The following NARS1 variants were observed in gnomAD, a reference collection of about 807,000 sequenced individuals.
NARS1 encodes asparaginyl-tRNA synthetase 1, also known as asparagine--tRNA ligase, cytoplasmic.
In NARS1, 65 loss-of-function variants were observed where a neutral mutation model predicts 79.2. The observed-to-expected ratio is 0.82, with a 90% confidence interval of 0.67 to 1.01. The LOEUF (loss-of-function observed/expected upper bound fraction) is 1.01. Ranked by LOEUF, NARS1 falls within the 50% of genes least tolerant of loss-of-function variation. The pLI is 0.00. For missense variants in NARS1, 649 were observed against 673.8 expected, an observed-to-expected ratio of 0.96 and a Z score of 0.41; for synonymous variants, 229 against 238.8, an observed-to-expected ratio of 0.96 and a Z score of 0.38.
chr18:57,620,053 G>C (rs866799207), intron 2 of NARS1, among the ~76,000 whole-genome samples: 4 of 152,148 alleles, frequency 2.6e-5, no homozygotes, highest in Non-Finnish European at 5.9e-5. Context: ...TCTAGATCCT[G>C]AGAAATAACA....
chr18:57,605,410 CA>C (rs1213307247), intron 11 of NARS1, among the ~76,000 whole-genome samples: 1 of 151,258 alleles, frequency 6.6e-6, no homozygotes, highest in Non-Finnish European at 1.5e-5. Context: ...AGATCGAGAC[CA>C]TCCTGGCCAA....
chr18:57,604,688 G>A (rs1037440916), intron 11 of NARS1, among the ~76,000 whole-genome samples: 1 of 152,100 alleles, frequency 6.6e-6, no homozygotes, highest in Non-Finnish European at 1.5e-5. Flanking sequence ...CAAGGAGTTT[G>A]AGACCAGCCC....
chr18:57,606,568 T>C (rs761761218), intron 10 of NARS1, 48 bp downstream of exon 10: 2 of 1,576,158 alleles, frequency 1.3e-6, no homozygotes, highest in Admixed American at 1.7e-5. Flanking sequence ...CTTCATTGTC[T>C]TCCAAAAAAG....
At chr18:57,605,130 A>T (rs868575607) in intron 11 of NARS1, among the ~76,000 whole-genome samples, 38 of 93,510 alleles carry the variant, frequency 4.1e-4, no homozygotes, top group South Asian at 6.3e-4. Context: ...AGAAAAAAAA[A>T]AAAAATATAT....
chr18:57,611,837 G>A (rs779788776), intron 5 of NARS1, 130 bp from the exon 6 acceptor site: 4 of 353,710 alleles, frequency 1.1e-5, no homozygotes, highest in African/African-American at 2.2e-5. Context: ...ATCACAGCTC[G>A]CTGCAGCCTC....
At chr18:57,608,588 T>C (rs1003684624) in intron 7 of NARS1, among the ~76,000 whole-genome samples, 5 of 152,174 alleles carry the variant, frequency 3.3e-5, no homozygotes, top group African/African-American at 9.7e-5. Flanking sequence ...TTATAGCCCA[T>C]GAGGATGATT....
chr18:57,608,221 C>T (rs909606103), intron 7 of NARS1, among the ~76,000 whole-genome samples: 14 of 151,772 alleles, frequency 9.2e-5, no homozygotes, highest in Admixed American at 7.2e-4. Context: ...CTCACTGAGG[C>T]GGGTGGATAA....
At chr18:57,616,031 C>G (rs1232754088) in intron 2 of NARS1, 56 bp from the exon 3 acceptor site, 5 of 1,437,354 alleles carry the variant, frequency 3.5e-6, no homozygotes, top group Non-Finnish European at 3.8e-6. Context: ...TACTTAAAAT[C>G]AAAATAACAT....
intron 11 of NARS1, among the ~76,000 whole-genome samples, chr18:57,604,179 C>T (rs1428592033): frequency 1.3e-5 from 2 of 152,250 alleles, no homozygotes; most frequent in Non-Finnish European, 1.5e-5. Context: ...TTCCACTCAA[C>T]TACACTATTT....
At chr18:57,612,795 G>C (rs185942743) in intron 5 of NARS1, among the ~76,000 whole-genome samples, 288 of 152,176 alleles carry the variant, frequency 1.9e-3, no homozygotes, top group African/African-American at 6.5e-3. Context: ...AAAGTGACAT[G>C]TTTATATATT....
At position 57,601,002 on chromosome 18, in the gene NARS1, T is replaced by C. The variant is rs2051499564; in HGVS notation, c.*650A>G. 6.6e-6 allele frequency: 1 copy of C among 152,224 alleles called. No homozygotes were observed. Among genetic ancestry groups the C allele is most frequent in the Non-Finnish European group, 1.5e-5 (1 of 68,036 alleles). The allele number at this position is 152,224 out of a possible 1,614,324, so 9.4% of individuals were successfully genotyped here. On this transcript the variant is annotated 3_prime_UTR_variant, in exon 14 of 14. Coordinates refer to ENST00000256854, the MANE Select transcript of NARS1 (RefSeq NM_004539.4). ...TAAAAAACTCTCCCCAAAATTATGTTCTTACTTCAAATCCTTTAAGGCAAT... is the reference window on the plus strand; with the variant it reads ...TAAAAAACTCTCCCCAAAATTATGTCCTTACTTCAAATCCTTTAAGGCAAT...
At chr18:57,620,422 A>G (rs549368133) in intron 2 of NARS1, 147 bp downstream of exon 2, 6 of 553,388 alleles carry the variant, frequency 1.1e-5, no homozygotes, top group Non-Finnish European at 1.6e-5. Context: ...TTAAAGTCAC[A>G]TATCTGTATG....
chr18:57,606,261 G>A (rs1022426953), intron 10 of NARS1, among the ~76,000 whole-genome samples: 2 of 150,880 alleles, frequency 1.3e-5, no homozygotes, highest in African/African-American at 4.9e-5. Flanking sequence ...AGGCAGAATC[G>A]CTTGAAGCTG....
rs751688172 is a variant in NARS1, at chr18:57,620,578, T to C, written c.84A>G (p.Thr28=). 6.2e-7 allele frequency: 1 copy of C among 1,610,260 alleles called. No individual in the cohort carries two copies. ...TGAGAAGAGACTCTACCTTTAGACC[T>C]GTTTTAAATGGTTTCTCCTTGGTTC... is the stretch of plus-strand genomic sequence containing the variant. ...GDGTKEKPFK[T]GLKALMTVGK... Residue 28 remains threonine (T), a synonymous_variant, in exon 2 of 14, where the codon ACA becomes ACG. Coordinates refer to ENST00000256854, the MANE Select transcript of NARS1 (RefSeq NM_004539.4).
In NARS1 at chr18:57,621,729, C is replaced by A; in HGVS notation, c.-12G>T. The A allele has an allele frequency of 6.2e-7, 1 of 1,613,952 alleles. No individual in the cohort carries two copies. Among genetic ancestry groups the A allele is most frequent in the South Asian group, 1.1e-5 (1 of 91,082 alleles). On this transcript the variant is annotated 5_prime_UTR_variant, in exon 1 of 14. Coordinates refer to ENST00000256854, the MANE Select transcript of NARS1 (RefSeq NM_004539.4). ...CCACCTAGCACCATGCCTGCAGTGG[C>A]CCTGGTCACCTCCAAGGACACAGAC...
rs1159053312 is a variant in NARS1, at chr18:57,621,832, G to C, written c.-115C>G. 29 of 1,574,938 alleles carry C rather than the reference G, an allele frequency of 1.8e-5. No homozygotes were observed. The highest frequency in any genetic ancestry group is 2.7e-5 in the African/African-American group (2 of 73,588). On this transcript the variant is annotated 5_prime_UTR_variant, in exon 1 of 14. It adds an upstream start codon to the 5' untranslated region. Transcript: ENST00000256854. ...TTCCGGCGTTGCATCAGAGAGCGTA[G>C]ATCTGAGGGCGCCTGCGAGAATCGG...
chr18:57,611,905 G>A (rs1326825946), intron 5 of NARS1, among the ~76,000 whole-genome samples, 198 bp from the exon 6 acceptor site: 1 of 152,016 alleles, frequency 6.6e-6, no homozygotes, highest in Non-Finnish European at 1.5e-5. Context: ...TGGGACTACA[G>A]GCACATGCCA....
chr18:57,618,095 G>A (rs539373871), intron 2 of NARS1, among the ~76,000 whole-genome samples: 66 of 150,644 alleles, frequency 4.4e-4, no homozygotes, highest in African/African-American at 1.2e-3. Context: ...TGGCCAACAC[G>A]GTGAAACACC....
Position 57,615,709 on chromosome 18 carries a change from C to A in NARS1, c.274G>T (p.Glu92Ter), listed in dbSNP as rs1256890796. 1.9e-6 allele frequency: 3 copies of A among 1,613,018 alleles called. No homozygotes were observed. Among genetic ancestry groups the A allele is most frequent in the Non-Finnish European group, 1.7e-6 (2 of 1,179,706 alleles). Residue 92 changes from glutamate to a stop codon, truncating the protein, a stop_gained, in exon 4 of 14, where the codon GAA becomes TAA. Transcript: ENST00000256854. LOFTEE classifies it high-confidence loss of function. ...TTCTTTGCTTCTTCCAGGTTCTTTT[C>A]TCTTCGTAAACTATCTTCTGCCTAA... The part of the protein sequence containing the change: ...KKEAEDSLRR[E>*]KNLEEAKKIT...
Sources: gnomAD v4.1 joint callset for allele counts (sites outside exome capture counted in the v4.1 genomes callset) on GRCh38, gnomAD v4.1.1 for gene constraint, MANE v1.5 for transcripts, NCBI Gene and HGNC (gene_info 2026-07-23, HGNC 2026-07-21) for gene names.